OPTN: variants seen among roughly 807,000 people sequenced by gnomAD.
OPTN encodes the protein E3-14.7K-interacting protein.
A neutral mutation model predicts 70.4 loss-of-function variants in OPTN; 54 were observed. That is an observed-to-expected ratio of 0.77 (90% CI 0.62 to 0.96). The LOEUF (loss-of-function observed/expected upper bound fraction) is 0.96. Ranked by LOEUF, OPTN falls within the 40% of genes least tolerant of loss-of-function variation. The probability of loss-of-function intolerance (pLI) is 0.00; values close to 1 mark genes in which losing one functional copy is unlikely to be tolerated. For missense variants in OPTN, 624 were observed against 673.2 expected, an observed-to-expected ratio of 0.93 and a Z score of 0.81; for synonymous variants, 256 against 248.5, an observed-to-expected ratio of 1.03 and a Z score of -0.28.
At chr10:13,127,034 A>T (rs1833482173) in intron 11 of OPTN, among the ~76,000 whole-genome samples, 9 of 152,206 alleles carry the variant, frequency 5.9e-5, no homozygotes, top group Admixed American at 5.9e-4. Flanking sequence ...AAAAAAGAAA[A>T]CAATAAATAA....
At position 13,124,084 on chromosome 10, in the gene OPTN, G is replaced by A. The variant is rs1420335805; in HGVS notation, c.972G>A (p.Glu324=). The A allele has an allele frequency of 1.2e-6, 2 of 1,611,586 alleles. No homozygotes were observed. Among genetic ancestry groups the A allele is most frequent in the Non-Finnish European group, 1.7e-6 (2 of 1,178,170 alleles). The change falls in exon 9 of 15, where the codon GAG becomes GAA. Residue 324 remains glutamate, a synonymous_variant. Transcript: ENST00000378747. ...CTCATACAAAACTCAGCGAAGCTGA[G>A]CTAATGAAGAAGAGACTTCAAGAAA... ...QEAHTKLSEA[E]LMKKRLQEKC...
chr10:13,102,856 T>C (rs1832779879), intron 1 of OPTN, among the ~76,000 whole-genome samples: 1 of 152,018 alleles, frequency 6.6e-6, no homozygotes, highest in Non-Finnish European at 1.5e-5. Context: ...GGTGGGAGAA[T>C]TGCTTGAACC....
intron 5 of OPTN, among the ~76,000 whole-genome samples, chr10:13,113,442 T>G (rs1833053303): frequency 6.6e-6 from 1 of 152,204 alleles, no homozygotes; most frequent in Non-Finnish European, 1.5e-5. Flanking sequence ...GTGTCCTGGC[T>G]TTTCCTTCCC....
chr10:13,129,449 T>A (rs996136791), intron 12 of OPTN, among the ~76,000 whole-genome samples: 2 of 150,884 alleles, frequency 1.3e-5, no homozygotes, highest in African/African-American at 4.9e-5. Context: ...ACCTCCCGGG[T>A]TCAAGCCATT....
At position 13,119,034 on chromosome 10, in the gene OPTN, A is replaced by G. The variant is rs764723754; in HGVS notation, c.773A>G (p.Lys258Arg). The change falls in exon 7 of 15, where the codon AAA becomes AGA. Residue 258 changes from lysine to arginine, a missense_variant. Lys to Arg is a conservative substitution (Grantham distance 26). Coordinates refer to ENST00000378747, the MANE Select transcript of OPTN (RefSeq NM_001008212.2). The stretch of plus-strand genomic sequence containing the variant: ...CTTGAAGTTGCACTCAAGGAGGCCA[A>G]AGAAAGGTATGAAATAGGTTAACTT... ...ERLEVALKEA[K>R]ERVSDFEKKT... 1 of 1,614,118 alleles carries G rather than the reference A, an allele frequency of 6.2e-7. No homozygotes were observed. Among genetic ancestry groups the G allele is most frequent in the South Asian group, 1.1e-5 (1 of 91,082 alleles).
chr10:13,115,135 A>AATGTAGATATATCTATATATTTAT (rs1833135001), intron 5 of OPTN, among the ~76,000 whole-genome samples: 2 of 87,598 alleles, frequency 2.3e-5, no homozygotes, highest in African/African-American at 8.9e-5. Flanking sequence ...ATAAATTTAT[A>AATGTAGATATATCTATATATTTAT]ATATAGATAT....
Position 13,116,268 on chromosome 10 carries a change from AAGG to A in OPTN, c.557_559del (p.Gly186del), listed in dbSNP as rs2131500924. 1 of 1,600,972 alleles carries A rather than the reference AAGG, an allele frequency of 6.2e-7. No homozygotes were observed. Among genetic ancestry groups the A allele is most frequent in the Non-Finnish European group, 8.6e-7 (1 of 1,168,162 alleles). ...TCCCTTGCATTTCTGTTTTCACAGG[AAGG>A]AGAAGCAGAAGGGTCAGTAAAAGAA... On this transcript the variant is annotated inframe_deletion and splice_region_variant, in exon 6 of 15. Transcript: ENST00000378747.
intron 5 of OPTN, 82 bp downstream of exon 5, chr10:13,112,717 T>C: frequency 1.5e-6 from 2 of 1,359,296 alleles, no homozygotes; most frequent in East Asian, 4.6e-5. Context: ...CTTTTTCTTG[T>C]CAACACAAGC....
intron 1 of OPTN, among the ~76,000 whole-genome samples, chr10:13,105,016 T>C (rs1033408550): frequency 6.6e-6 from 1 of 151,958 alleles, no homozygotes. Context: ...GCTGGGCTGA[T>C]CTCAAACTCC....
rs1266990694 is a variant in OPTN at position 13,136,757 on chromosome 10, G to C, written c.1625G>C (p.Arg542Thr). ...TACTTATTCCCAGGAGCTGAGGACA[G>C]GGACTGGCGGCAACAGCGGAATATT... ...AYLVQRGAEDRDWRQQRNIPI... is the reference protein window; with the variant it reads ...AYLVQRGAEDTDWRQQRNIPI... Residue 542 changes from arginine to threonine, a missense_variant, in exon 15 of 15, where the codon AGG (arginine) becomes ACG (threonine). Coordinates refer to ENST00000378747, the MANE Select transcript of OPTN (RefSeq NM_001008212.2). 6.2e-7 allele frequency: 1 copy of C among 1,614,060 alleles called. No individual in the cohort carries two copies. Among genetic ancestry groups the C allele is most frequent in the South Asian group, 1.1e-5 (1 of 91,074 alleles).
chr10:13,135,661 A>G (rs932590814), intron 14 of OPTN, among the ~76,000 whole-genome samples: 1 of 152,032 alleles, frequency 6.6e-6, no homozygotes, highest in East Asian at 1.9e-4. Flanking sequence ...AGAGGATTCA[A>G]AAGTGTCTGC....
chr10:13,117,408 A>G (rs1254255888), intron 6 of OPTN, among the ~76,000 whole-genome samples: 1 of 120,188 alleles, frequency 8.3e-6, no homozygotes, highest in African/African-American at 3.0e-5. Flanking sequence ...GACGGATAAG[A>G]GATCCATCTT....
intron 6 of OPTN, among the ~76,000 whole-genome samples, chr10:13,116,751 G>C (rs1833218018): frequency 6.6e-6 from 1 of 152,186 alleles, no homozygotes; most frequent in Non-Finnish European, 1.5e-5. Flanking sequence ...CTACTTCCCA[G>C]TTATAAGCTG....
chr10:13,125,678 C>T, intron 10 of OPTN, 111 bp downstream of exon 10: 1 of 1,373,778 alleles, frequency 7.3e-7, no homozygotes, highest in Non-Finnish European at 1.0e-6. Context: ...TTCTTTTTCA[C>T]TTATCTGAAG....
intron 1 of OPTN, among the ~76,000 whole-genome samples, chr10:13,107,673 G>A (rs1832897973): frequency 6.6e-6 from 1 of 151,962 alleles, no homozygotes; most frequent in African/African-American, 2.4e-5. Context: ...GAGCCACCGC[G>A]CCCGGCTCAA....
intron 1 of OPTN, among the ~76,000 whole-genome samples, chr10:13,105,045 C>T (rs549945606): frequency 1.3e-5 from 2 of 152,052 alleles, no homozygotes; most frequent in African/African-American, 4.8e-5. Flanking sequence ...AATGATCTGC[C>T]CACCTTGGCT....
At chr10:13,112,389 A>G (rs1833027375) in intron 4 of OPTN, 64 bp from the exon 5 acceptor site, 2 of 1,501,276 alleles carry the variant, frequency 1.3e-6, no homozygotes. Flanking sequence ...GATTAAGGGC[A>G]TGAGCCCATG....
chr10:13,107,004 G>A (rs1291559590), intron 1 of OPTN, among the ~76,000 whole-genome samples: 1 of 152,136 alleles, frequency 6.6e-6, no homozygotes, highest in Non-Finnish European at 1.5e-5. Context: ...TTGTGCATGC[G>A]TGGCTTTCTG....
chr10:13,111,355 T>C (rs1832990450), intron 4 of OPTN, among the ~76,000 whole-genome samples: 1 of 152,244 alleles, frequency 6.6e-6, no homozygotes, highest in South Asian at 2.1e-4. Flanking sequence ...TTTTGATTAT[T>C]TGAATACAAT....
Sources: gnomAD v4.1 joint callset for allele counts (sites outside exome capture counted in the v4.1 genomes callset) on GRCh38, gnomAD v4.1.1 for gene constraint, MANE v1.5 for transcripts, NCBI Gene and HGNC (gene_info 2026-07-23, HGNC 2026-07-21) for gene names.